The following RBFOX3 variants were observed in gnomAD, a reference collection of about 807,000 sequenced individuals.
RBFOX3 encodes the protein RNA binding protein fox-1 homolog 3.
Under a neutral mutation model 48.7 loss-of-function variants are expected in RBFOX3, and 17 were observed. The ratio of observed to expected loss-of-function variants is 0.35; its 90% CI spans 0.24 to 0.52. RBFOX3 has a LOEUF of 0.52. RBFOX3 is among the 20% of genes least tolerant of loss of function. The pLI is 0.94. For missense variants in RBFOX3, 382 were observed against 497.5 expected (o/e 0.77, Z 2.21); for synonymous variants, 212 against 209.5 (o/e 1.01, Z -0.10).
chr17:79,396,006 G>A (rs1106284), intron 2 of RBFOX3, among the ~76,000 whole-genome samples: 17,272 of 152,234 alleles, frequency 0.11, 1,203 homozygotes, highest in East Asian at 0.18. Context: ...TCCAGGATCC[G>A]GGTCTGGTGT....
chr17:79,180,216 A>G (rs58664467), intron 4 of RBFOX3, among the ~76,000 whole-genome samples: 28,512 of 152,070 alleles, frequency 0.19, 5,442 homozygotes, highest in African/African-American at 0.49. Flanking sequence ...GGAGGGACAC[A>G]CCCCATCCCC....
chr17:79,177,996 G>A lies in RBFOX3; in HGVS notation c.-34+57770C>T, dbSNP rs368698299. Reference sequence around the variant, plus strand: ...TTGGAGGTCCGAGGCTGCTGGCTGCGCACAGCCCACATGCCCCGCCGAGTC... The same window carrying A: ...TTGGAGGTCCGAGGCTGCTGGCTGCACACAGCCCACATGCCCCGCCGAGTC... On this transcript the variant is annotated intron_variant, in intron 4 of 14. Transcript: ENST00000693108. 9.3e-4 allele frequency among the ~76,000 whole-genome samples: 142 copies of A among 152,166 alleles called. 1 individual carries two copies. The East Asian group carries it at 0.02, about 22-fold the overall frequency.
rs1482228189 is a variant in RBFOX3, at chr17:79,212,304, T to TG, written c.-34+23461dup. Among the ~76,000 whole-genome samples, 2 of 152,036 alleles carry TG rather than the reference T, an allele frequency of 1.3e-5. No individual in the cohort carries two copies. Among genetic ancestry groups the TG allele is most frequent in the Non-Finnish European group, 2.9e-5 (2 of 67,972 alleles). On this transcript the variant is annotated intron_variant, in intron 4 of 14. Transcript: ENST00000693108. The surrounding 1 kb of genome is among the most constrained non-coding windows in gnomAD (Gnocchi z 4.7). ...GGGCTGCTCCGCCTGGGCTCCTACG[T>TG]GACTCCTTTCTCCTCCTCCCCTCCC...
intron 1 of RBFOX3, among the ~76,000 whole-genome samples, chr17:79,562,233 G>A (rs966632311): frequency 3.3e-5 from 5 of 152,132 alleles, no homozygotes; most frequent in Non-Finnish European, 7.3e-5. Context: ...ACTGGGAACC[G>A]GGAATGGAAG....
chr17:79,144,258 T>G (rs1001131346), intron 4 of RBFOX3, among the ~76,000 whole-genome samples: 2 of 152,224 alleles, frequency 1.3e-5, no homozygotes, highest in Non-Finnish European at 2.9e-5. Flanking sequence ...GCAGGATCCG[T>G]GAGGCCTGAA....
chr17:79,156,099 T>C (rs1205863207), intron 4 of RBFOX3, among the ~76,000 whole-genome samples: 1 of 152,178 alleles, frequency 6.6e-6, no homozygotes, highest in Non-Finnish European at 1.5e-5. Context: ...TTCTGGGGAC[T>C]GACACACTTG....
chr17:79,542,131 C>CA (rs2089806011), intron 1 of RBFOX3, among the ~76,000 whole-genome samples: 1 of 151,446 alleles, frequency 6.6e-6, no homozygotes, highest in Non-Finnish European at 1.5e-5. Flanking sequence ...TGAAGGTTGA[C>CA]AAAATAATAG....
chr17:79,520,036 C>T (rs1382019535), intron 1 of RBFOX3, among the ~76,000 whole-genome samples: 5 of 152,146 alleles, frequency 3.3e-5, no homozygotes, highest in Non-Finnish European at 4.4e-5. Context: ...CCACAAAGCC[C>T]GTTGAAAGTC....
At chr17:79,624,333 G>T in the RBFOX3 span, among the ~76,000 whole-genome samples, 1 of 152,074 alleles carries the variant, frequency 6.6e-6, no homozygotes, top group Admixed American at 6.5e-5. Flanking sequence ...CACATGGCTG[G>T]CCTTAGCTGC....
intron 2 of RBFOX3, among the ~76,000 whole-genome samples, chr17:79,347,440 T>C (rs950708585): frequency 6.6e-6 from 1 of 152,172 alleles, no homozygotes; most frequent in South Asian, 2.1e-4. Context: ...TCCTCTTCTA[T>C]ATTTTTATTT....
chr17:79,279,933 C>A (rs894602953), intron 3 of RBFOX3, among the ~76,000 whole-genome samples: 6 of 152,306 alleles, frequency 3.9e-5, no homozygotes, highest in Admixed American at 1.3e-4. Flanking sequence ...CCAAGAGGCA[C>A]CGCGTGTCTG....
rs916731319 is a variant in RBFOX3, at chr17:79,242,417, A to G, written c.-73-6612T>C. On this transcript the variant is annotated intron_variant, in intron 3 of 14. Transcript: ENST00000693108. This position sits in a 1 kb window ranked among gnomAD's most constrained non-coding sequence, Gnocchi z 5.8. ...ATTATAAAATTTTTTATAAATTATA[A>G]AAAATCAACTGTGGGTGGCTTAAAC... is the stretch of plus-strand genomic sequence containing the variant. Among the ~76,000 whole-genome samples the G allele has an allele frequency of 6.6e-6, 1 of 152,158 alleles. No homozygotes were observed. The highest frequency in any genetic ancestry group is 6.5e-5 in the Admixed American group (1 of 15,276).
At chr17:79,523,287 C>T (rs971248484) in intron 1 of RBFOX3, among the ~76,000 whole-genome samples, 5 of 152,096 alleles carry the variant, frequency 3.3e-5, no homozygotes, top group Admixed American at 6.5e-5. Context: ...ACGGTTACGA[C>T]GGCAAATTTT....
At chr17:79,615,701 A>T (rs2093991079), upstream of RBFOX3, among the ~76,000 whole-genome samples, 1 of 152,196 alleles carries the variant, frequency 6.6e-6, no homozygotes, top group Non-Finnish European at 1.5e-5. Flanking sequence ...ATTTCGCCCC[A>T]TGGAAGCATT....
intron 4 of RBFOX3, among the ~76,000 whole-genome samples, chr17:79,160,759 C>T (rs2612785): frequency 0.34 from 51,836 of 151,968 alleles, 11,037 homozygotes; most frequent in Middle Eastern, 0.5. Flanking sequence ...GTGAGTGGAT[C>T]ATTTGAGGTC....
intron 14 of RBFOX3, 84 bp from the exon 15 acceptor site, chr17:79,090,969 G>T: frequency 7.0e-7 from 1 of 1,429,006 alleles, no homozygotes; most frequent in Non-Finnish European, 9.4e-7. Context: ...ACGTGGCACG[G>T]GGCCCCTGGC....
At chr17:79,633,369 C>G in the RBFOX3 span, among the ~76,000 whole-genome samples, 7 of 152,274 alleles carry the variant, frequency 4.6e-5, no homozygotes, top group Admixed American at 1.3e-4. Context: ...GGGCTCAGGT[C>G]ATTCCGGGTG....
In RBFOX3 at chr17:79,418,873, G is replaced by A. The variant is rs1351914016; in HGVS notation, c.-175+63581C>T. On this transcript the variant is annotated intron_variant, in intron 2 of 14. Transcript: ENST00000693108. The surrounding 1 kb of genome is among the most constrained non-coding windows in gnomAD (Gnocchi z 5.0). Reference sequence around the variant, plus strand: ...GGAGATGGCACCCTTGTCTGTGCTAGCTCAGACTGGGTCACCACCCAGCTA... The same window carrying A: ...GGAGATGGCACCCTTGTCTGTGCTAACTCAGACTGGGTCACCACCCAGCTA... 2.6e-5 allele frequency among the ~76,000 whole-genome samples: 4 copies of A among 152,264 alleles called. No individual in the cohort carries two copies. The highest frequency in any genetic ancestry group is 2.6e-4 in the Admixed American group (4 of 15,294).
rs1371977428 is a variant in RBFOX3 at position 79,423,111 on chromosome 17, G to A, written c.-175+59343C>T. ...TGCCTCCAGCCCCAGTCTCCTTCCA[G>A]ACTCCAGACTCTTGGGTCCAGTGGC... On this transcript the variant is annotated intron_variant, in intron 2 of 14. Coordinates refer to ENST00000693108, the MANE Select transcript of RBFOX3 (RefSeq NM_001350451.2). The surrounding 1 kb of genome is among the most constrained non-coding windows in gnomAD (Gnocchi z 4.9). Among the ~76,000 whole-genome samples, 1 of 152,140 alleles carries A rather than the reference G, an allele frequency of 6.6e-6. No individual in the cohort carries two copies. The highest frequency in any genetic ancestry group is 1.9e-4 in the East Asian group (1 of 5,186).
Sources: allele counts gnomAD v4.1 joint callset (sites outside exome capture counted in the v4.1 genomes callset), GRCh38; gene constraint gnomAD v4.1.1; non-coding constraint Gnocchi (gnomAD v3.1); transcripts MANE v1.5; gene names NCBI Gene and HGNC (gene_info 2026-07-23, HGNC 2026-07-21).